Variants in NINL observed in about 807,000 individuals in gnomAD.
The protein encoded by NINL is ninein like.
In NINL, 153 loss-of-function variants were observed where a neutral mutation model predicts 160.3. That is an observed-to-expected ratio of 0.95 (90% CI 0.84 to 1.09). The LOEUF (loss-of-function observed/expected upper bound fraction) is 1.09. Ranked by LOEUF, NINL falls within the 50% of genes least tolerant of loss-of-function variation. NINL has a pLI of 0.00. For missense variants in NINL, 1,829 were observed against 1,764.0 expected (o/e 1.04, Z -0.66); for synonymous variants, 800 against 734.8 (o/e 1.09, Z -1.43).
At chr20:25,576,269 T>C (rs1041070615) in intron 1 of NINL, among the ~76,000 whole-genome samples, 2 of 152,122 alleles carry the variant, frequency 1.3e-5, no homozygotes. Context: ...CCAGAGTCTG[T>C]CTGGTGTCTG....
At chr20:25,515,995 C>T (rs920077220) in intron 3 of NINL, among the ~76,000 whole-genome samples, 4 of 152,026 alleles carry the variant, frequency 2.6e-5, no homozygotes, top group African/African-American at 4.8e-5. Context: ...AGGATGGTCT[C>T]GATCTCCTGA....
chr20:25,509,215 A>G (rs1359479279), intron 5 of NINL, among the ~76,000 whole-genome samples: 1 of 152,100 alleles, frequency 6.6e-6, no homozygotes, highest in Non-Finnish European at 1.5e-5. Flanking sequence ...TTCAGCCGCC[A>G]TGCTGTAAGG....
At chr20:25,573,012 A>C (rs1288676259) in intron 1 of NINL, among the ~76,000 whole-genome samples, 2 of 152,140 alleles carry the variant, frequency 1.3e-5, no homozygotes, top group Non-Finnish European at 2.9e-5. Context: ...AAATAAAAGA[A>C]TAGGCCAGGC....
rs1277406666 is a variant in NINL, at chr20:25,462,547, G to A, written c.3424-6C>T. ...TGATCCTTGTAGTTCTGATTCTGGG[G>A]GAAAAAGTTTTTAAATACATAAGAA... On this transcript the variant is annotated splice_polypyrimidine_tract_variant and splice_region_variant and intron_variant, in intron 19 of 23. Transcript: ENST00000278886. The A allele has an allele frequency of 6.3e-7, 1 of 1,593,810 alleles. No individual in the cohort carries two copies.
Position 25,467,422 on chromosome 20 carries a change from C to G in NINL, c.3390G>C (p.Lys1130Asn), listed in dbSNP as rs758201864. ...EIEVLKKDKE[K>N]ACSEMEVLNR... ...TGAGCACCTCCATCTCAGAGCAGGCCTTTTCCTTGTCTTTCTTTAAAACCT... is the reference window on the plus strand; with the variant it reads ...TGAGCACCTCCATCTCAGAGCAGGCGTTTTCCTTGTCTTTCTTTAAAACCT... The change falls in exon 19 of 24, where the codon AAG (lysine) becomes AAC (asparagine). Residue 1130 changes from lysine to asparagine, a missense_variant. Coordinates refer to ENST00000278886, the MANE Select transcript of NINL (RefSeq NM_025176.6). 1.1e-5 allele frequency: 17 copies of G among 1,614,018 alleles called. No homozygotes were observed. The highest frequency in any genetic ancestry group is 1.4e-5 in the Non-Finnish European group (16 of 1,179,966).
rs550706875 is a variant in NINL at position 25,510,812 on chromosome 20, T to C, written c.451-72A>G. 2.1e-4 allele frequency: 237 copies of C among 1,154,730 alleles called. 1 individual carries two copies. In the South Asian group the frequency reaches 3.1e-3, roughly 15 times the overall value. The allele number at this position is 1,154,730 out of a possible 1,614,324, so 71.5% of individuals were successfully genotyped here. A position where few individuals can be genotyped will look rare whatever the true frequency, so the allele number is the denominator to read the frequency against. ...CTGGGGACGGAGCACCGGGAACAAA[T>C]AGAGCAGGATGTTTGGGGAAGTGGG... On this transcript the variant is annotated intron_variant, in intron 4 of 23. Coordinates refer to ENST00000278886, the MANE Select transcript of NINL (RefSeq NM_025176.6).
intron 23 of NINL, among the ~76,000 whole-genome samples, chr20:25,455,112 T>A (rs2079774664): frequency 6.6e-6 from 1 of 152,074 alleles, no homozygotes; most frequent in South Asian, 2.1e-4. Context: ...CACGAGGAGA[T>A]GTGTGCATCT....
In NINL at chr20:25,476,424, C is replaced by T. The variant is rs777373823; in HGVS notation, c.2867G>A (p.Arg956Gln). Residue 956 changes from arginine to glutamine, a missense_variant, in exon 17 of 24, where the codon CGG becomes CAG. By Grantham distance (43) the Arg-to-Gln change is conservative. Coordinates refer to ENST00000278886, the MANE Select transcript of NINL (RefSeq NM_025176.6). ...CGGCCTCAGGGGTGGCTCCCACATCCGTGGCTGGGTTTGCGAGGCGTCTCT... is the reference window on the plus strand; with the variant it reads ...CGGCCTCAGGGGTGGCTCCCACATCTGTGGCTGGGTTTGCGAGGCGTCTCT... ...TERDASQTQPRMWEPPLRPAA... is the reference protein window; with the variant it reads ...TERDASQTQPQMWEPPLRPAA... 175 of 1,608,900 alleles carry T rather than the reference C, an allele frequency of 1.1e-4. No homozygotes were observed. The highest frequency in any genetic ancestry group is 5.0e-4 in the Middle Eastern group (3 of 6,052).
In NINL at chr20:25,512,947, T is replaced by C. The variant is rs1224734704; in HGVS notation, c.337A>G (p.Ser113Gly). 6.2e-7 allele frequency: 1 copy of C among 1,613,910 alleles called. No homozygotes were observed. The highest frequency in any genetic ancestry group is 2.2e-5 in the East Asian group (1 of 44,886). The change falls in exon 4 of 24, where the codon AGC (serine) becomes GGC (glycine). Residue 113 changes from serine to glycine, a missense_variant. Coordinates refer to ENST00000278886, the MANE Select transcript of NINL (RefSeq NM_025176.6). The stretch of plus-strand genomic sequence containing the variant: ...GCAGCGTCACATAGCTCAGGCCGGC[T>C]CCGACGGCCATACCACTTAGAACCA... ...VNGSKWYGRR[S>G]RPELCDAATE...
At chr20:25,501,806 A>T (rs373427821) in intron 7 of NINL, among the ~76,000 whole-genome samples, 1 of 151,938 alleles carries the variant, frequency 6.6e-6, no homozygotes. Context: ...ATAATTTTCA[A>T]ATCTTTGAGA....
chr20:25,455,582 C>T, intron 23 of NINL, 91 bp downstream of exon 23: 1 of 872,862 alleles, frequency 1.1e-6, no homozygotes, highest in Non-Finnish European at 1.9e-6. Context: ...ACAAGACAGC[C>T]TTTTCCTGTA....
chr20:25,567,819 C>T (rs1373480583), intron 1 of NINL, among the ~76,000 whole-genome samples: 1 of 151,998 alleles, frequency 6.6e-6, no homozygotes, highest in Non-Finnish European at 1.5e-5. Context: ...TTAAACAACA[C>T]ATCATTTCTC....
chr20:25,566,276 C>T (rs1169234372), intron 1 of NINL, among the ~76,000 whole-genome samples: 3 of 152,150 alleles, frequency 2.0e-5, no homozygotes, highest in Non-Finnish European at 4.4e-5. Flanking sequence ...TCTACAGCTA[C>T]AATAAACATT....
chr20:25,495,170 G>C (rs975694689), intron 10 of NINL, among the ~76,000 whole-genome samples: 1 of 152,116 alleles, frequency 6.6e-6, no homozygotes, highest in African/African-American at 2.4e-5. Context: ...TCAACCCCTG[G>C]AGCCCCAGGT....
chr20:25,580,897 A>C (rs1360989078), intron 1 of NINL, among the ~76,000 whole-genome samples: 6 of 152,194 alleles, frequency 3.9e-5, no homozygotes, highest in Admixed American at 6.5e-5. Flanking sequence ...ACTAAGCTAA[A>C]CTCAAACCTA....
At chr20:25,554,324 T>A (rs1162581802) in intron 1 of NINL, among the ~76,000 whole-genome samples, 2 of 152,046 alleles carry the variant, frequency 1.3e-5, no homozygotes, top group Non-Finnish European at 2.9e-5. Context: ...GGACAGAACA[T>A]GAAACCCCTG....
chr20:25,572,646 C>T (rs2065067194), intron 1 of NINL, among the ~76,000 whole-genome samples: 1 of 152,112 alleles, frequency 6.6e-6, no homozygotes, highest in African/African-American at 2.4e-5. Flanking sequence ...GAACACAAAC[C>T]TTTACATACT....
At chr20:25,474,888 A>G (rs953627779) in intron 17 of NINL, among the ~76,000 whole-genome samples, 38 of 151,618 alleles carry the variant, frequency 2.5e-4, no homozygotes, top group Non-Finnish European at 5.4e-4. Flanking sequence ...CCTGGGTTCA[A>G]GCGATTCTCC....
chr20:25,547,173 G>A (rs1270332692), intron 1 of NINL, among the ~76,000 whole-genome samples: 1 of 151,968 alleles, frequency 6.6e-6, no homozygotes, highest in Non-Finnish European at 1.5e-5. Flanking sequence ...CTACACCAGC[G>A]TTTATATTAC....
Sources: allele counts gnomAD v4.1 joint callset (sites outside exome capture counted in the v4.1 genomes callset), GRCh38; gene constraint gnomAD v4.1.1; transcripts MANE v1.5; gene names NCBI Gene and HGNC (gene_info 2026-07-23, HGNC 2026-07-21).